The following DPP4 variants were observed in gnomAD, a reference collection of about 807,000 sequenced individuals.
DPP4 encodes dipeptidyl peptidase 4.
In DPP4, 93 loss-of-function variants were observed where a neutral mutation model predicts 122.4. The ratio of observed to expected loss-of-function variants is 0.76; its 90% CI spans 0.64 to 0.90. DPP4 has a LOEUF of 0.90. Among genes scored for constraint, DPP4 ranks in the 40% least tolerant of loss-of-function variants. The pLI is 0.00. For missense variants in DPP4, 914 were observed against 907.3 expected, an observed-to-expected ratio of 1.01 and a Z score of -0.09; for synonymous variants, 321 against 302.9, an observed-to-expected ratio of 1.06 and a Z score of -0.62.
Position 162,016,835 on chromosome 2 carries a change from C to G in DPP4, c.1500G>C (p.Leu500Phe). 1 of 1,612,302 alleles carries G rather than the reference C, an allele frequency of 6.2e-7. No homozygotes were observed. Among genetic ancestry groups the G allele is most frequent in the Non-Finnish European group, 8.5e-7 (1 of 1,179,468 alleles). ...TCTGGACATTCTGCAGCATTTTATC[C>G]AAAGCTGAATTGTCTTCCAGGACTC... is the stretch of plus-strand genomic sequence containing the variant. The part of the protein sequence containing the change: ...GLRVLEDNSA[L>F]DKMLQNVQMP... Residue 500 changes from leucine (L) to phenylalanine (F), a missense_variant, in exon 18 of 26, where the codon TTG becomes TTC. Physicochemically the swap from Leu to Phe is conservative, Grantham distance 22. Transcript: ENST00000360534.
chr2:162,018,845 T>C lies in DPP4; in HGVS notation c.1304A>G (p.Gln435Arg). ...TGTCACTTTTGTATAGTCACTAAGTTGGATTCTGTAAAACCAACGGTGGAA... is the reference window on the plus strand; with the variant it reads ...TGTCACTTTTGTATAGTCACTAAGTCGGATTCTGTAAAACCAACGGTGGAA... Reference protein sequence around the residue: ...MPGGRNLYKIQLSDYTKVTCL... With the variant: ...MPGGRNLYKIRLSDYTKVTCL... The change falls in exon 16 of 26, where the codon CAA becomes CGA. Residue 435 changes from glutamine (Q) to arginine (R), a missense_variant. Coordinates refer to ENST00000360534, the MANE Select transcript of DPP4 (RefSeq NM_001935.4). 6.2e-7 allele frequency: 1 copy of C among 1,613,954 alleles called. No individual in the cohort carries two copies.
chr2:162,063,448 G>A (rs1322573713), intron 2 of DPP4, among the ~76,000 whole-genome samples: 1 of 152,120 alleles, frequency 6.6e-6, no homozygotes, highest in Non-Finnish European at 1.5e-5. Context: ...GTCTTAGGAT[G>A]GAGCCCCAGA....
chr2:162,045,412 T>A (rs543068660), intron 5 of DPP4, 120 bp downstream of exon 5: 5 of 710,548 alleles, frequency 7.0e-6, no homozygotes, highest in Non-Finnish European at 1.2e-5. Context: ...AATTAATGAG[T>A]TTTAGTGCCT....
At chr2:162,045,048 C>T (rs1237692130) in intron 5 of DPP4, among the ~76,000 whole-genome samples, 1 of 151,106 alleles carries the variant, frequency 6.6e-6, no homozygotes, top group African/African-American at 2.4e-5. Context: ...GCTTCCAACT[C>T]CTGGGCTCAA....
At chr2:161,994,917 C>T in intron 25 of DPP4, 44 bp downstream of exon 25, 1 of 1,564,426 alleles carries the variant, frequency 6.4e-7, no homozygotes, top group East Asian at 2.2e-5. Flanking sequence ...GGAAACTAGA[C>T]CCCACCAGCA....
At chr2:162,052,023 A>G (rs1576066592) in intron 2 of DPP4, among the ~76,000 whole-genome samples, 1 of 151,948 alleles carries the variant, frequency 6.6e-6, no homozygotes, top group East Asian at 1.9e-4. Context: ...GTGCTTCATA[A>G]AAGGGCTGGA....
intron 23 of DPP4, among the ~76,000 whole-genome samples, chr2:161,996,960 A>T (rs1373663190): frequency 1.3e-5 from 2 of 152,222 alleles, no homozygotes; most frequent in Non-Finnish European, 2.9e-5. Context: ...TAAGAGGCAT[A>T]GCAAAAGCAT....
intron 9 of DPP4, among the ~76,000 whole-genome samples, chr2:162,033,862 GTA>G (rs138320647): frequency 0.17 from 17,200 of 103,830 alleles, 1,243 homozygotes; most frequent in Middle Eastern, 0.26. Flanking sequence ...CAGAATATGT[GTA>G]TATATATATA....
chr2:162,071,502 C>T (rs145722748), intron 2 of DPP4, among the ~76,000 whole-genome samples: 191 of 152,094 alleles, frequency 1.3e-3, no homozygotes, highest in African/African-American at 4.2e-3. Context: ...ATTATCCGGG[C>T]GTGGTGGTGT....
At chr2:162,030,274 G>T (rs1274506682) in intron 10 of DPP4, among the ~76,000 whole-genome samples, 1 of 152,198 alleles carries the variant, frequency 6.6e-6, no homozygotes, top group Non-Finnish European at 1.5e-5. Flanking sequence ...GCAGCAGGGA[G>T]ACTCACCCTG....
intron 2 of DPP4, among the ~76,000 whole-genome samples, chr2:162,056,642 C>T (rs1684584007): frequency 6.6e-6 from 1 of 152,196 alleles, no homozygotes; most frequent in Non-Finnish European, 1.5e-5. Context: ...TATAGTTTAA[C>T]TTTGCAGCAA....
rs114503717 is a variant in DPP4, at chr2:162,022,183, T to C, written c.1068+572A>G. On this transcript the variant is annotated intron_variant, in intron 12 of 25. Coordinates refer to ENST00000360534, the MANE Select transcript of DPP4 (RefSeq NM_001935.4). ...GTGGTAATTCTGTGCAATGTGTATA[T>C]AACTCAGTGGGACTGAGAAGCATGA... is the stretch of plus-strand genomic sequence containing the variant. Among the ~76,000 whole-genome samples, 411 of 152,306 alleles carry C rather than the reference T, an allele frequency of 2.7e-3. 5 individuals are homozygous for C. The highest frequency in any genetic ancestry group is 9.6e-3 in the African/African-American group (399 of 41,568).
intron 2 of DPP4, among the ~76,000 whole-genome samples, chr2:162,056,474 C>T (rs1430824775): frequency 6.6e-6 from 1 of 152,176 alleles, no homozygotes; most frequent in Admixed American, 6.5e-5. Context: ...TAGGACTAGA[C>T]AGAGTGAGCA....
At chr2:162,053,708 T>G (rs1312438422) in intron 2 of DPP4, among the ~76,000 whole-genome samples, 1 of 152,236 alleles carries the variant, frequency 6.6e-6, no homozygotes, top group African/African-American at 2.4e-5. Flanking sequence ...CTCTAGCATG[T>G]ATAAGCTATA....
intron 2 of DPP4, among the ~76,000 whole-genome samples, chr2:162,063,721 G>GA (rs59443188): frequency 0.35 from 53,108 of 151,528 alleles, 10,896 homozygotes; most frequent in African/African-American, 0.57. Flanking sequence ...AGGCTTAAGA[G>GA]AAAAAAAGGG....
rs59821493 is a variant in DPP4 at position 162,053,427 on chromosome 2, T to TA, written c.95-5927dup. ...TACACCAACGATAGCTGAATAACTT[T>TA]AAAAAAAAAAAACAAAAATAACTCA... On this transcript the variant is annotated intron_variant, in intron 2 of 25. Transcript: ENST00000360534. Among the ~76,000 whole-genome samples, 789 of 144,476 alleles carry TA rather than the reference T, an allele frequency of 5.5e-3. 10 individuals are homozygous for TA. The highest frequency in any genetic ancestry group is 0.037 in the East Asian group (187 of 5,006). 94.8% of individuals were successfully genotyped at this position (144,476 alleles called of 152,430 possible). A position where few individuals can be genotyped will look rare whatever the true frequency, so the allele number is the denominator to read the frequency against.
intron 23 of DPP4, among the ~76,000 whole-genome samples, chr2:161,995,941 A>G (rs1299084785): frequency 6.6e-6 from 1 of 152,216 alleles, no homozygotes; most frequent in Non-Finnish European, 1.5e-5. Context: ...CAAATGTAAC[A>G]TATGGGAGGG....
chr2:162,041,453 C>T (rs1295816977), intron 5 of DPP4, among the ~76,000 whole-genome samples: 1 of 152,124 alleles, frequency 6.6e-6, no homozygotes, highest in Non-Finnish European at 1.5e-5. Flanking sequence ...GGACACCTAG[C>T]TATATAATAG....
chr2:162,064,554 T>A (rs1044476667), intron 2 of DPP4, among the ~76,000 whole-genome samples: 6 of 152,232 alleles, frequency 3.9e-5, no homozygotes, highest in Non-Finnish European at 8.8e-5. Flanking sequence ...TACCATTTTT[T>A]AAAAATTTTG....
Sources: allele counts gnomAD v4.1 joint callset (sites outside exome capture counted in the v4.1 genomes callset), GRCh38; gene constraint gnomAD v4.1.1; transcripts MANE v1.5; gene names NCBI Gene and HGNC (gene_info 2026-07-23, HGNC 2026-07-21).